DISP3: variants seen among roughly 807,000 people sequenced by gnomAD.
DISP3 encodes the protein protein dispatched homolog 3.
Under a neutral mutation model 135.3 loss-of-function variants are expected in DISP3, and 101 were observed. The observed-to-expected ratio is 0.75, with a 90% confidence interval of 0.64 to 0.88. The LOEUF is 0.88. Ranked by LOEUF, DISP3 falls within the 40% of genes least tolerant of loss-of-function variation. The probability of loss-of-function intolerance (pLI) is 0.00; values close to 1 mark genes in which losing one functional copy is unlikely to be tolerated. For missense variants in DISP3, 1,713 were observed against 1,878.6 expected (o/e 0.91, Z 1.63); for synonymous variants, 856 against 817.0 (o/e 1.05, Z -0.81).
intron 3 of DISP3, among the ~76,000 whole-genome samples, chr1:11,513,134 A>T (rs1641905634): frequency 6.6e-6 from 1 of 152,094 alleles, no homozygotes; most frequent in African/African-American, 2.4e-5. Flanking sequence ...AAATAAAAAA[A>T]ATCGGCCAGG....
rs571594981 is a variant in DISP3 at position 11,516,726 on chromosome 1, T to G, written c.1749+565T>G. Among the ~76,000 whole-genome samples the G allele has an allele frequency of 6.6e-6, 1 of 152,264 alleles. No individual in the cohort carries two copies. Among genetic ancestry groups the G allele is most frequent in the Non-Finnish European group, 1.5e-5 (1 of 68,026 alleles). ...AAAGACAGTGAATTGGCCCAAGTCT[T>G]TGAGAAACTTTACGACCTGGGCTGA... On this transcript the variant is annotated intron_variant, in intron 6 of 20. Coordinates refer to ENST00000294484, the MANE Select transcript of DISP3 (RefSeq NM_020780.2). This position sits in a 1 kb window ranked among gnomAD's most constrained non-coding sequence, Gnocchi z 5.1.
chr1:11,520,880 G>A lies in DISP3; in HGVS notation c.2362+32G>A, dbSNP rs756063461. The A allele has an allele frequency of 1.6e-5, 25 of 1,556,292 alleles. No individual in the cohort carries two copies. The highest frequency in any genetic ancestry group is 1.8e-5 in the Non-Finnish European group (21 of 1,148,990). On this transcript the variant is annotated intron_variant, in intron 10 of 20. Coordinates refer to ENST00000294484, the MANE Select transcript of DISP3 (RefSeq NM_020780.2). The surrounding 1 kb of genome is among the most constrained non-coding windows in gnomAD (Gnocchi z 4.8). Reference sequence around the variant, plus strand: ...CTTCTAGCCAGGCTGTCCCTGGCCCGCTCAGGTGTCCGGGTCCCAAAGACT... The same window carrying A: ...CTTCTAGCCAGGCTGTCCCTGGCCCACTCAGGTGTCCGGGTCCCAAAGACT...
intron 15 of DISP3, 48 bp downstream of exon 15, chr1:11,530,007 T>C (rs1392341093): frequency 6.3e-7 from 1 of 1,591,066 alleles, no homozygotes; most frequent in Non-Finnish European, 8.5e-7. Flanking sequence ...GCTGCAACAG[T>C]CTTGCAAATA....
chr1:11,530,057 C>T, intron 15 of DISP3, 98 bp downstream of exon 15: 5 of 1,474,874 alleles, frequency 3.4e-6, no homozygotes, highest in Non-Finnish European at 3.6e-6. Flanking sequence ...CCTCACACCC[C>T]CTCTTGGCTC....
intron 3 of DISP3, among the ~76,000 whole-genome samples, chr1:11,510,637 C>T (rs558986481): frequency 1.0e-5 from 1 of 98,766 alleles, no homozygotes; most frequent in South Asian, 3.4e-4. Flanking sequence ...TTCCCTATTT[C>T]CATCTGTTAC....
chr1:11,489,891 G>A (rs1247646386), intron 1 of DISP3, among the ~76,000 whole-genome samples: 3 of 152,206 alleles, frequency 2.0e-5, no homozygotes, highest in South Asian at 2.1e-4. Context: ...TGTTAATCAC[G>A]TCTCAGAATG....
In DISP3 at chr1:11,530,832, G is replaced by A. The variant is rs1465853272; in HGVS notation, c.3103-75G>A. On this transcript the variant is annotated intron_variant, in intron 15 of 20. Transcript: ENST00000294484. ...AAGCTGCTGGAGGTTCTGCCCCAGG[G>A]TTGGGGGTGAGCACCCAGGACTGAG... 5.1e-6 allele frequency: 8 copies of A among 1,582,620 alleles called. No individual in the cohort carries two copies. The East Asian group carries it at 1.8e-4, about 36-fold the overall frequency.
rs1251045525 is a variant in DISP3, at chr1:11,491,140, C to T, written c.-3-9850C>T. ...GATACAGCAGCCTGAGTCCATACCC[C>T]GGACCTCCAGGGACACATGTGAGCC... On this transcript the variant is annotated intron_variant, in intron 1 of 20. Coordinates refer to ENST00000294484, the MANE Select transcript of DISP3 (RefSeq NM_020780.2). This position sits in a 1 kb window ranked among gnomAD's most constrained non-coding sequence, Gnocchi z 4.3. Among the ~76,000 whole-genome samples the T allele has an allele frequency of 1.3e-5, 2 of 152,156 alleles. No homozygotes were observed. Among genetic ancestry groups the T allele is most frequent in the African/African-American group, 4.8e-5 (2 of 41,432 alleles).
At chr1:11,527,061 G>A (rs2493328) in intron 13 of DISP3, among the ~76,000 whole-genome samples, 20,497 of 151,902 alleles carry the variant, frequency 0.13, 1,864 homozygotes, top group East Asian at 0.46. Flanking sequence ...CTCCTGAGTA[G>A]CTGGGATTAC....
intron 3 of DISP3, among the ~76,000 whole-genome samples, chr1:11,511,553 T>A (rs1641855886): frequency 6.6e-6 from 1 of 152,202 alleles, no homozygotes; most frequent in Admixed American, 6.5e-5. Context: ...GTTTCCATGG[T>A]CTTGGGCAGC....
intron 3 of DISP3, among the ~76,000 whole-genome samples, chr1:11,507,429 T>C (rs1296532778): frequency 6.6e-6 from 1 of 152,230 alleles, no homozygotes; most frequent in East Asian, 1.9e-4. Flanking sequence ...TTTCCGAGGC[T>C]TTCTGCTTAG....
intron 3 of DISP3, among the ~76,000 whole-genome samples, chr1:11,511,929 A>T (rs556931014): frequency 6.6e-6 from 1 of 152,338 alleles, no homozygotes; most frequent in Non-Finnish European, 1.5e-5. Context: ...ACTCAACACC[A>T]TGTGGAAGCT....
intron 3 of DISP3, among the ~76,000 whole-genome samples, chr1:11,512,564 T>C (rs1354422815): frequency 6.6e-6 from 1 of 152,184 alleles, no homozygotes; most frequent in African/African-American, 2.4e-5. Context: ...ATTGTCCATA[T>C]CACTATCAGC....
chr1:11,525,266 C>T lies in DISP3; in HGVS notation c.2567C>T (p.Pro856Leu), dbSNP rs1384945372. 1.9e-6 allele frequency: 3 copies of T among 1,613,924 alleles called. No individual in the cohort carries two copies. Among genetic ancestry groups the T allele is most frequent in the South Asian group, 1.1e-5 (1 of 91,094 alleles). Residue 856 changes from proline to leucine, a missense_variant, in exon 12 of 21, where the codon CCT becomes CTT. Physicochemically the swap from Pro to Leu is moderately conservative, Grantham distance 98. Transcript: ENST00000294484. ...TCCCTCAATGCCAGCCTGCCTGCTC[C>T]TTGGCAGGCTGTGTCGCCTGGGGAT... ...RLSLNASLPA[P>L]WQAVSPGDGE...
At chr1:11,481,038 TTCTCTCTC>T (rs368929945) in intron 1 of DISP3, among the ~76,000 whole-genome samples, 8 of 129,742 alleles carry the variant, frequency 6.2e-5, no homozygotes, top group African/African-American at 1.2e-4. Context: ...TCCCCCAGGT[TTCTCTCTC>T]TCTCTCTCTC....
chr1:11,517,602 G>A lies in DISP3; in HGVS notation c.1889G>A (p.Ser630Asn). 1 of 1,613,160 alleles carries A rather than the reference G, an allele frequency of 6.2e-7. No homozygotes were observed. The highest frequency in any genetic ancestry group is 8.5e-7 in the Non-Finnish European group (1 of 1,179,970). ...CCACTGGAGAGCTCCTGCCAGACCAGGTAAGTCGGGCAGGGCCTCCACCCA... is the reference window on the plus strand; with the variant it reads ...CCACTGGAGAGCTCCTGCCAGACCAAGTAAGTCGGGCAGGGCCTCCACCCA... ...LAPLESSCQT[S>N]CHQNCSRKTS... The change falls in exon 7 of 21, where the codon AGC becomes AAC. Residue 630 changes from serine (S) to asparagine (N), a missense_variant and splice_region_variant. Physicochemically the swap from Ser to Asn is conservative, Grantham distance 46. Transcript: ENST00000294484.
chr1:11,536,330 C>G lies in DISP3; in HGVS notation c.3823C>G (p.Arg1275Gly). 6.3e-7 allele frequency: 1 copy of G among 1,598,980 alleles called. No homozygotes were observed. Among genetic ancestry groups the G allele is most frequent in the East Asian group, 2.2e-5 (1 of 44,836 alleles). The change falls in exon 21 of 21, where the codon CGA becomes GGA. Residue 1275 changes from arginine (R) to glycine (G), a missense_variant. This residue lies in a region of DISP3 where 1,142 missense variants were observed against 1,384.6 expected (regional missense o/e 0.82). Transcript: ENST00000294484. The surrounding 1 kb of genome is among the most constrained non-coding windows in gnomAD (Gnocchi z 4.3). ...NLPPHQAEDA[R>G]TQRQWRTLEA... ...GCTCTCCTCTTGCCCCCAGGACGCC[C>G]GAACGCAGCGCCAGTGGCGTACGCT...
intron 17 of DISP3, among the ~76,000 whole-genome samples, chr1:11,532,260 C>T (rs1642594443): frequency 6.6e-6 from 1 of 152,234 alleles, no homozygotes; most frequent in Non-Finnish European, 1.5e-5. Context: ...TGGCACATGG[C>T]TCTCCCAAGC....
intron 12 of DISP3, 38 bp from the exon 13 acceptor site, chr1:11,526,613 C>CG: frequency 6.3e-7 from 1 of 1,591,956 alleles, no homozygotes; most frequent in Non-Finnish European, 8.6e-7. Flanking sequence ...GCAGCCCCCC[C>CG]GAGTCATGTG....
Sources: allele counts gnomAD v4.1 joint callset (sites outside exome capture counted in the v4.1 genomes callset), GRCh38; gene constraint gnomAD v4.1.1; regional missense constraint gnomAD v4.1.1; non-coding constraint Gnocchi (gnomAD v3.1); transcripts MANE v1.5; gene names NCBI Gene and HGNC (gene_info 2026-07-23, HGNC 2026-07-21).